Variants in TLE3 observed in about 807,000 individuals in gnomAD.
TLE3 encodes TLE family member 3, transcriptional corepressor.
In TLE3, 14 loss-of-function variants were observed where a neutral mutation model predicts 93.0. The ratio of observed to expected loss-of-function variants is 0.15; its 90% CI spans 0.10 to 0.24. The LOEUF (loss-of-function observed/expected upper bound fraction) is 0.24. Ranked by LOEUF, TLE3 falls within the 10% of genes least tolerant of loss-of-function variation. The pLI, the probability that TLE3 is intolerant of heterozygous loss-of-function variation, is 1.00. For missense variants in TLE3, 693 were observed against 1,046.6 expected (o/e 0.66, Z 4.66); for synonymous variants, 451 against 425.0 (o/e 1.06, Z -0.75).
chr15:70,094,351 TA>T (rs1327752267), intron 4 of TLE3, among the ~76,000 whole-genome samples, 180 bp downstream of exon 4: 2 of 150,040 alleles, frequency 1.3e-5, no homozygotes, highest in East Asian at 2.0e-4. Context: ...TCAACATGTC[TA>T]AAAAAAAATC....
intron 1 of TLE3, 161 bp downstream of exon 1, chr15:70,096,614 T>C (rs2058575687): frequency 6.5e-7 from 1 of 1,540,826 alleles, no homozygotes; most frequent in South Asian, 1.2e-5. Flanking sequence ...TAACCTCCTC[T>C]CTCAACGGCG....
In TLE3 at chr15:70,096,871, G is replaced by A. The variant is rs1223614383; in HGVS notation, c.-73C>T. 6.4e-7 allele frequency: 1 copy of A among 1,563,188 alleles called. No homozygotes were observed. Among genetic ancestry groups the A allele is most frequent in the Non-Finnish European group, 8.7e-7 (1 of 1,151,240 alleles). On this transcript the variant is annotated 5_prime_UTR_variant, in exon 1 of 20. Transcript: ENST00000451782. Reference sequence around the variant, plus strand: ...GGGCCGGGGAGGTGCGGGGGAGGGGGGAGCCGAGCCCGAGCGGGGGGCGGC... The same window carrying A: ...GGGCCGGGGAGGTGCGGGGGAGGGGAGAGCCGAGCCCGAGCGGGGGGCGGC...
At chr15:70,070,878 A>G (rs933639735) in intron 6 of TLE3, among the ~76,000 whole-genome samples, 1 of 152,046 alleles carries the variant, frequency 6.6e-6, no homozygotes, top group Non-Finnish European at 1.5e-5. Context: ...GCTTCAAAAT[A>G]TCCTGTGTAT....
At chr15:70,077,194 T>C (rs642306) in intron 4 of TLE3, among the ~76,000 whole-genome samples, 148,958 of 152,344 alleles carry the variant, frequency 0.98, 72,912 homozygotes, top group East Asian at 1. Context: ...TTTCCACCAG[T>C]ATCCTATGTA....
intron 12 of TLE3, 164 bp from the exon 13 acceptor site, chr15:70,057,822 A>C (rs768677167): frequency 2.2e-6 from 2 of 902,020 alleles, no homozygotes; most frequent in East Asian, 2.6e-5. Context: ...AGAGCCAAAG[A>C]AGCTTAGAGC....
In TLE3 at chr15:70,058,154, T is replaced by C. The variant is rs2056210876; in HGVS notation, c.1051+5A>G. Reference sequence around the variant, plus strand: ...AACCCAGCCCATGGTGCCTACCCATTATACCTATCGGGTCCATGCCCGGAG... The same window carrying C: ...AACCCAGCCCATGGTGCCTACCCATCATACCTATCGGGTCCATGCCCGGAG... On this transcript the variant is annotated splice_donor_5th_base_variant and intron_variant, in intron 12 of 19. Transcript: ENST00000451782. This position sits in a 1 kb window ranked among gnomAD's most constrained non-coding sequence, Gnocchi z 4.1. The C allele has an allele frequency of 6.2e-7, 1 of 1,614,002 alleles. No individual in the cohort carries two copies.
At chr15:70,062,013 G>A (rs1050277908) in intron 8 of TLE3, among the ~76,000 whole-genome samples, 2 of 152,234 alleles carry the variant, frequency 1.3e-5, no homozygotes, top group Admixed American at 1.3e-4. Flanking sequence ...GCCACTTGGA[G>A]GGAACGGGGC....
intron 5 of TLE3, among the ~76,000 whole-genome samples, chr15:70,075,196 G>A (rs977333308): frequency 5.9e-5 from 9 of 152,166 alleles, no homozygotes; most frequent in African/African-American, 1.2e-4. Flanking sequence ...TGTAAACTAC[G>A]GACTTTGGGT....
Position 70,066,002 on chromosome 15 carries a change from G to GGCCCCCCCCCCCCCCCC in TLE3, c.577+11_577+12insGGGGGGGGGGGGGGGGC. 1 of 766,060 alleles carries GGCCCCCCCCCCCCCCCC rather than the reference G, an allele frequency of 1.3e-6. No individual in the cohort carries two copies. The highest frequency in any genetic ancestry group is 2.1e-6 in the Non-Finnish European group (1 of 466,080). 47.5% of individuals were successfully genotyped at this position (766,060 alleles called of 1,614,324 possible). On this transcript the variant is annotated intron_variant, in intron 7 of 19. Transcript: ENST00000451782. Reference sequence around the variant, plus strand: ...CTGCCCCGCCCCACCCTCTGCCCCAGCCCAGCCGCACCTCTGTGATCGAGT... The same window carrying GGCCCCCCCCCCCCCCCC: ...CTGCCCCGCCCCACCCTCTGCCCCAGGCCCCCCCCCCCCCCCCCCCAGCCGCACCTCTGTGATCGAGT...
chr15:70,076,201 C>G (rs2291985), intron 4 of TLE3, 43 bp from the exon 5 acceptor site: 39,173 of 1,595,488 alleles, frequency 0.025, 1,614 homozygotes, highest in East Asian at 0.2. Context: ...GCAAATAAAT[C>G]AAGTCACTGA....
rs780088210 is a variant in TLE3 at position 70,049,514 on chromosome 15, T to TTAA, written c.*582_*583insTTA. ...TCCCAGGTGAGAGCATCTGTTTATT[T>TTAA]AAAAAAAAAAAAAAAAAAAAGCCAC... On this transcript the variant is annotated 3_prime_UTR_variant, in exon 20 of 20. Transcript: ENST00000451782. The TTAA allele has an allele frequency of 4.9e-5, 6 of 122,200 alleles. No individual in the cohort carries two copies. The highest frequency in any genetic ancestry group is 2.0e-4 in the African/African-American group (6 of 30,440). 7.6% of individuals were successfully genotyped at this position (122,200 alleles called of 1,614,324 possible). A position where few individuals can be genotyped will look rare whatever the true frequency, so the allele number is the denominator to read the frequency against.
intron 16 of TLE3, 157 bp from the exon 17 acceptor site, chr15:70,053,531 C>CAGCCTCTTTCCAGTTCCA (rs2055737005): frequency 2.4e-6 from 2 of 846,116 alleles, no homozygotes; most frequent in Non-Finnish European, 1.7e-6. Flanking sequence ...AAGCTAGCCC[C>CAGCCTCTTTCCAGTTCCA]GGCCTCTTTC....
At chr15:70,078,861 G>A (rs1319929701) in intron 4 of TLE3, among the ~76,000 whole-genome samples, 1 of 152,214 alleles carries the variant, frequency 6.6e-6, no homozygotes, top group Non-Finnish European at 1.5e-5. Context: ...GGGAGGCAGG[G>A]TGATTATAAA....
intron 4 of TLE3, among the ~76,000 whole-genome samples, chr15:70,089,567 G>T (rs2058204393): frequency 6.6e-6 from 1 of 152,188 alleles, no homozygotes; most frequent in Non-Finnish European, 1.5e-5. Context: ...CAGATAACCT[G>T]AGTAAATTTT....
At chr15:70,083,133 G>A (rs527895169) in intron 4 of TLE3, among the ~76,000 whole-genome samples, 1 of 152,250 alleles carries the variant, frequency 6.6e-6, no homozygotes, top group South Asian at 2.1e-4. Flanking sequence ...AATAATCGGA[G>A]CTCTCAAAAA....
In TLE3 at chr15:70,097,468, CGCCGCT is replaced by C. The variant is rs879228400; in HGVS notation, c.-676_-671del. ...CTACTGCCGCTGCCGCCGCCGCCGC[CGCCGCT>C]GCAAGCCCTTCCCAGGGCCGGGGAG... On this transcript the variant is annotated 5_prime_UTR_variant, in exon 1 of 20. Transcript: ENST00000451782. 1 of 417,152 alleles carries C rather than the reference CGCCGCT, an allele frequency of 2.4e-6. No homozygotes were observed. Among genetic ancestry groups the C allele is most frequent in the Non-Finnish European group, 4.2e-6 (1 of 238,098 alleles). 25.8% of individuals were successfully genotyped at this position (417,152 alleles called of 1,614,324 possible). A position where few individuals can be genotyped will look rare whatever the true frequency, so the allele number is the denominator to read the frequency against.
chr15:70,095,825 A>G, intron 2 of TLE3, 184 bp from the exon 3 acceptor site: 2 of 707,014 alleles, frequency 2.8e-6, no homozygotes, highest in Non-Finnish European at 4.6e-6. Flanking sequence ...GGGATGTGAA[A>G]CAATTCGAAA....
In TLE3 at chr15:70,074,620, G is replaced by A; in HGVS notation, c.298-13C>T. On this transcript the variant is annotated splice_polypyrimidine_tract_variant and intron_variant, in intron 5 of 19. Coordinates refer to ENST00000451782, the MANE Select transcript of TLE3 (RefSeq NM_001105192.3). Reference sequence around the variant, plus strand: ...CCTGCTGCTGGTGCTGGAGGGAAGAGGGTGTGCGTTAGATGCAGCCACTTT... The same window carrying A: ...CCTGCTGCTGGTGCTGGAGGGAAGAAGGTGTGCGTTAGATGCAGCCACTTT... The A allele has an allele frequency of 6.2e-7, 1 of 1,604,066 alleles. No homozygotes were observed. Among genetic ancestry groups the A allele is most frequent in the Non-Finnish European group, 8.5e-7 (1 of 1,175,598 alleles).
At chr15:70,051,721 G>A (rs2279782) in intron 18 of TLE3, among the ~76,000 whole-genome samples, 95,191 of 151,936 alleles carry the variant, frequency 0.63, 30,400 homozygotes, top group Middle Eastern at 0.78. Context: ...CAGTGATAAC[G>A]CTGCCTCAAA....
Sources: gnomAD v4.1 joint callset for allele counts (sites outside exome capture counted in the v4.1 genomes callset) on GRCh38, gnomAD v4.1.1 for gene constraint, Gnocchi (gnomAD v3.1) non-coding constraint, MANE v1.5 for transcripts, NCBI Gene and HGNC (gene_info 2026-07-23, HGNC 2026-07-21) for gene names.